The following ARMC2 variants were observed in gnomAD, a reference collection of about 807,000 sequenced individuals.
ARMC2 encodes armadillo repeat containing 2, also known as armadillo repeat-containing protein 2.
ARMC2 carries 67 observed loss-of-function variants against 90.3 expected under a neutral mutation model. The ratio of observed to expected loss-of-function variants is 0.74; its 90% CI spans 0.61 to 0.91. The LOEUF (loss-of-function observed/expected upper bound fraction) is 0.91, where lower values mean the gene tolerates loss of function less well. Ranked by LOEUF, ARMC2 falls within the 40% of genes least tolerant of loss-of-function variation. ARMC2 has a pLI of 0.00. For missense variants in ARMC2, 920 were observed against 1,030.9 expected, an observed-to-expected ratio of 0.89 and a Z score of 1.47; for synonymous variants, 393 against 393.0, an observed-to-expected ratio of 1.00 and a Z score of 0.00.
chr6:108,969,446 C>G (rs541171568), intron 17 of ARMC2, among the ~76,000 whole-genome samples: 37 of 152,246 alleles, frequency 2.4e-4, no homozygotes, highest in African/African-American at 8.9e-4. Context: ...TAATACTTTG[C>G]CCCAAATTTT....
intron 12 of ARMC2, among the ~76,000 whole-genome samples, chr6:108,948,604 C>T (rs760307743): frequency 6.6e-6 from 1 of 150,624 alleles, no homozygotes; most frequent in Admixed American, 6.7e-5. Flanking sequence ...CCAGGAACCA[C>T]CCCCTCCTTT....
At chr6:108,992,963 A>G in the ARMC2 span, 2 of 1,032,934 alleles carry the variant, frequency 1.9e-6, no homozygotes, top group Non-Finnish European at 3.0e-6. Flanking sequence ...GATTTTACCC[A>G]AAGGAGTAAA....
At chr6:109,026,777 G>A in the ARMC2 span, among the ~76,000 whole-genome samples, 16,554 of 152,124 alleles carry the variant, frequency 0.11, 1,028 homozygotes, top group Middle Eastern at 0.19. Context: ...TGCTGGGATT[G>A]CAGGCGTGAG....
chr6:108,893,624 G>A (rs1477993527), intron 5 of ARMC2, among the ~76,000 whole-genome samples: 1 of 152,214 alleles, frequency 6.6e-6, no homozygotes, highest in African/African-American at 2.4e-5. Context: ...AAGTAAACTG[G>A]ATTTTTTGTT....
the ARMC2 span, chr6:108,992,792 C>T: frequency 8.7e-6 from 14 of 1,607,720 alleles, no homozygotes; most frequent in African/African-American, 1.9e-4. Context: ...TTTACCTGGA[C>T]ACGAAATGTT....
the ARMC2 span, among the ~76,000 whole-genome samples, chr6:109,025,064 A>AGGCAAATC: frequency 6.6e-6 from 1 of 152,144 alleles, no homozygotes; most frequent in East Asian, 1.9e-4. Flanking sequence ...AGAAAACAGA[A>AGGCAAATC]GGCAAATCCT....
chr6:109,052,199 C>CA, the ARMC2 span, among the ~76,000 whole-genome samples: 1 of 152,284 alleles, frequency 6.6e-6, no homozygotes, highest in East Asian at 1.9e-4. Flanking sequence ...ATCCTCTTAG[C>CA]CTAAAACAGT....
chr6:108,978,458 G>T (rs1779026854), downstream of ARMC2, among the ~76,000 whole-genome samples: 1 of 152,186 alleles, frequency 6.6e-6, no homozygotes, highest in African/African-American at 2.4e-5. Context: ...GTGCTGAGAA[G>T]AATGTATATT....
At chr6:108,984,639 G>A in the ARMC2 span, among the ~76,000 whole-genome samples, 1 of 152,240 alleles carries the variant, frequency 6.6e-6, no homozygotes, top group African/African-American at 2.4e-5. Flanking sequence ...CCTTGGTTAG[G>A]TTTATTCCTA....
At chr6:109,009,154 A>C in the ARMC2 span, among the ~76,000 whole-genome samples, 1 of 151,998 alleles carries the variant, frequency 6.6e-6, no homozygotes, top group East Asian at 1.9e-4. Flanking sequence ...TCTCCCACCC[A>C]CCGCAGGCAA....
chr6:108,958,701 C>T (rs568786342), intron 13 of ARMC2, among the ~76,000 whole-genome samples: 3 of 152,344 alleles, frequency 2.0e-5, no homozygotes, highest in South Asian at 4.1e-4. Context: ...ACCTGAGCTG[C>T]TCCCCATGAG....
At position 108,964,185 on chromosome 6, in the gene ARMC2, A is replaced by G; in HGVS notation, c.2158A>G (p.Arg720Gly). 6.2e-7 allele frequency: 1 copy of G among 1,613,254 alleles called. No homozygotes were observed. Among genetic ancestry groups the G allele is most frequent in the Non-Finnish European group, 8.5e-7 (1 of 1,179,606 alleles). The change falls in exon 16 of 18, where the codon AGG (arginine) becomes GGG (glycine). Residue 720 changes from arginine to glycine, a missense_variant. By Grantham distance (125) the Arg-to-Gly change is moderately radical. Coordinates refer to ENST00000392644, the MANE Select transcript of ARMC2 (RefSeq NM_032131.6). Reference sequence around the variant, plus strand: ...TTTGCTCTCTTCCCTCGTAGTCCACAGGTTCATGATGGCGCTGCTGGATGC... The same window carrying G: ...TTTGCTCTCTTCCCTCGTAGTCCACGGGTTCATGATGGCGCTGCTGGATGC... ...CDFIVQNNVHRFMMALLDAQH... is the reference protein window; with the variant it reads ...CDFIVQNNVHGFMMALLDAQH...
At chr6:108,906,164 A>G (rs749870613) in intron 8 of ARMC2, among the ~76,000 whole-genome samples, 3 of 152,194 alleles carry the variant, frequency 2.0e-5, no homozygotes, top group Non-Finnish European at 4.4e-5. Flanking sequence ...AAACTCTTAC[A>G]AAATAATATA....
intron 5 of ARMC2, among the ~76,000 whole-genome samples, chr6:108,878,891 A>G (rs1410569187): frequency 6.6e-6 from 1 of 152,146 alleles, no homozygotes; most frequent in Non-Finnish European, 1.5e-5. Flanking sequence ...CCATCCATCC[A>G]TCCACCCATT....
the ARMC2 span, among the ~76,000 whole-genome samples, chr6:109,028,684 G>C: frequency 6.6e-6 from 1 of 152,150 alleles, no homozygotes; most frequent in African/African-American, 2.4e-5. Flanking sequence ...CCACATGGAA[G>C]ACTGGGCAAC....
chr6:108,990,670 A>T, the ARMC2 span: 1 of 1,614,112 alleles, frequency 6.2e-7, no homozygotes. Flanking sequence ...CAGTGAATAT[A>T]GTTCCAAATT....
At chr6:108,918,245 G>A (rs1774181217) in intron 10 of ARMC2, among the ~76,000 whole-genome samples, 1 of 152,072 alleles carries the variant, frequency 6.6e-6, no homozygotes, top group Middle Eastern at 3.2e-3. Flanking sequence ...AGGAAATGAA[G>A]GGCAATGTAC....
intron 4 of ARMC2, among the ~76,000 whole-genome samples, chr6:108,871,247 C>T (rs911133666): frequency 2.6e-5 from 4 of 152,124 alleles, no homozygotes; most frequent in African/African-American, 7.2e-5. Flanking sequence ...ATGGAAAACA[C>T]ACCCAGCTGT....
intron 15 of ARMC2, 135 bp from the exon 16 acceptor site, chr6:108,964,045 A>G (rs753431655): frequency 4.3e-6 from 4 of 933,046 alleles, no homozygotes; most frequent in Admixed American, 2.9e-5. Flanking sequence ...AAGCCTTAGG[A>G]AGAATGAGTT....
Sources: allele counts gnomAD v4.1 joint callset (sites outside exome capture counted in the v4.1 genomes callset), GRCh38; gene constraint gnomAD v4.1.1; transcripts MANE v1.5; gene names NCBI Gene and HGNC (gene_info 2026-07-23, HGNC 2026-07-21).